Variants in CD96 observed in about 807,000 individuals in gnomAD.
The protein encoded by CD96 is CD96 molecule, also known as T-cell surface protein tactile.
A neutral mutation model predicts 71.3 loss-of-function variants in CD96; 70 were observed. That is an observed-to-expected ratio of 0.98 (90% confidence interval 0.81 to 1.20). The LOEUF is 1.20. Ranked by LOEUF, CD96 falls within the 50% of genes most tolerant of loss-of-function variation. The pLI is 0.00. For missense variants in CD96, 742 were observed against 677.5 expected, an observed-to-expected ratio of 1.10 and a Z score of -1.06; for synonymous variants, 248 against 233.0, an observed-to-expected ratio of 1.06 and a Z score of -0.59.
chr3:111,646,598 C>T (rs1939839213), intron 12 of CD96, among the ~76,000 whole-genome samples: 1 of 151,014 alleles, frequency 6.6e-6, no homozygotes, highest in Admixed American at 6.6e-5. Context: ...AAAGGGAATG[C>T]TTATACACTG....
chr3:111,649,285 C>G (rs1005534120), intron 13 of CD96, among the ~76,000 whole-genome samples: 6 of 152,166 alleles, frequency 3.9e-5, no homozygotes, highest in Non-Finnish European at 7.3e-5. Context: ...GTCTGGTTCT[C>G]TTGAGCAAGT....
At chr3:111,622,723 A>G (rs1349655037) in intron 8 of CD96, among the ~76,000 whole-genome samples, 4 of 152,242 alleles carry the variant, frequency 2.6e-5, no homozygotes, top group African/African-American at 9.6e-5. Flanking sequence ...ACACAATTAT[A>G]CAGCATTCTT....
At chr3:111,592,683 C>T (rs1179621252) in intron 5 of CD96, among the ~76,000 whole-genome samples, 2 of 152,124 alleles carry the variant, frequency 1.3e-5, no homozygotes, top group African/African-American at 4.8e-5. Flanking sequence ...TCTTTTCATT[C>T]TGAATTTCTT....
intron 12 of CD96, among the ~76,000 whole-genome samples, chr3:111,644,768 G>C (rs886670855): frequency 6.6e-6 from 1 of 152,098 alleles, no homozygotes; most frequent in Admixed American, 6.6e-5. Flanking sequence ...ATGAAAAAAT[G>C]CTCAACATCA....
At chr3:111,603,631 T>C (rs1377843985) in intron 7 of CD96, among the ~76,000 whole-genome samples, 1 of 152,138 alleles carries the variant, frequency 6.6e-6, no homozygotes, top group African/African-American at 2.4e-5. Flanking sequence ...TGGATAATAT[T>C]TTGGTTGTCA....
chr3:111,577,750 C>T (rs1936283620), intron 3 of CD96, among the ~76,000 whole-genome samples: 1 of 152,214 alleles, frequency 6.6e-6, no homozygotes, highest in African/African-American at 2.4e-5. Context: ...AGTCCATCCT[C>T]TGTTTCTGCC....
intron 10 of CD96, among the ~76,000 whole-genome samples, chr3:111,632,650 T>TA (rs936361999): frequency 1.3e-5 from 2 of 152,218 alleles, no homozygotes; most frequent in Non-Finnish European, 2.9e-5. Flanking sequence ...ATCATTCTAT[T>TA]ATTCAAGACA....
intron 6 of CD96, among the ~76,000 whole-genome samples, chr3:111,598,994 A>C (rs893156968): frequency 6.6e-6 from 1 of 150,704 alleles, no homozygotes; most frequent in African/African-American, 2.5e-5. Context: ...TTTGAGACGG[A>C]GTCTGGCTCT....
chr3:111,612,586 A>C (rs1002274583), intron 8 of CD96, among the ~76,000 whole-genome samples: 1 of 152,240 alleles, frequency 6.6e-6, no homozygotes, highest in Non-Finnish European at 1.5e-5. Flanking sequence ...ACAGATGAAG[A>C]TACTGAGGCA....
chr3:111,614,186 A>G (rs1209043943), intron 8 of CD96, among the ~76,000 whole-genome samples: 4 of 152,288 alleles, frequency 2.6e-5, no homozygotes, highest in African/African-American at 9.6e-5. Flanking sequence ...CCTTCCCCCA[A>G]GTGTGGCTCT....
rs772402974 is a variant in CD96 at position 111,567,576 on chromosome 3, ACT to A, written c.475_476del (p.Leu159GlyfsTer8). 3 of 1,606,406 alleles carry A rather than the reference ACT, an allele frequency of 1.9e-6. No homozygotes were observed. The highest frequency in any genetic ancestry group is 2.6e-6 in the Non-Finnish European group (3 of 1,173,072). On this transcript the variant is annotated frameshift_variant, in exon 3 of 14. Coordinates refer to ENST00000352690, the MANE Select transcript of CD96 (RefSeq NM_005816.5). LOFTEE classifies it high-confidence loss of function. ...NHTIEIEINQ[T>X]LEIPCFQNSS... ...TACGATAGAAATAGAGATAAATCAGACTCTGGAAATACCATGCTTTCAAAATA... is the reference window on the plus strand; with the variant it reads ...TACGATAGAAATAGAGATAAATCAGACTGGAAATACCATGCTTTCAAAATA...
chr3:111,647,469 A>G, intron 12 of CD96, 74 bp from the exon 13 acceptor site: 1 of 1,369,822 alleles, frequency 7.3e-7, no homozygotes, highest in Non-Finnish European at 1.0e-6. Context: ...TTCACGTAGG[A>G]AAAATGGTTT....
chr3:111,632,170 A>T (rs1413274290), intron 10 of CD96, among the ~76,000 whole-genome samples: 1 of 152,368 alleles, frequency 6.6e-6, no homozygotes, highest in South Asian at 2.1e-4. Context: ...AACTATCAAC[A>T]GAGTAAACAG....
At chr3:111,661,042 A>C (rs1018766912) in intron 14 of CD96, among the ~76,000 whole-genome samples, 13 of 152,214 alleles carry the variant, frequency 8.5e-5, no homozygotes, top group African/African-American at 2.7e-4. Context: ...AGAGTTCCAC[A>C]GGCTGTATGG....
chr3:111,579,672 G>A (rs1422921872), intron 4 of CD96, among the ~76,000 whole-genome samples: 1 of 152,116 alleles, frequency 6.6e-6, no homozygotes, highest in East Asian at 1.9e-4. Flanking sequence ...GTTTGCTAAT[G>A]TGCTAACTCA....
chr3:111,648,956 C>A (rs984793246), intron 13 of CD96, among the ~76,000 whole-genome samples: 2 of 152,138 alleles, frequency 1.3e-5, no homozygotes, highest in South Asian at 2.1e-4. Context: ...TAAAATAGTT[C>A]TTTGTACAAA....
intron 2 of CD96, among the ~76,000 whole-genome samples, chr3:111,550,977 A>G (rs1236583897): frequency 6.6e-6 from 1 of 152,212 alleles, no homozygotes; most frequent in African/African-American, 2.4e-5. Flanking sequence ...AAGGAAAACA[A>G]AAAGGCAAAG....
At chr3:111,551,753 T>TC (rs1263035873) in intron 2 of CD96, among the ~76,000 whole-genome samples, 1 of 152,070 alleles carries the variant, frequency 6.6e-6, no homozygotes, top group Admixed American at 6.6e-5. Flanking sequence ...TGTGTATTGT[T>TC]CCCCCTCATG....
rs370993531 is a variant in CD96, at chr3:111,647,673, A to C, written c.1601+7A>C. ...GTCAGTACCAAAAAGAAATGTGAGT[A>C]TAATACTAACATATGTAGGAACAGA... On this transcript the variant is annotated splice_region_variant and intron_variant, in intron 13 of 13. Transcript: ENST00000352690. 1.3e-6 allele frequency: 2 copies of C among 1,591,292 alleles called. No homozygotes were observed. Among genetic ancestry groups the C allele is most frequent in the Non-Finnish European group, 1.7e-6 (2 of 1,159,628 alleles).
Sources: allele counts gnomAD v4.1 joint callset (sites outside exome capture counted in the v4.1 genomes callset), GRCh38; gene constraint gnomAD v4.1.1; transcripts MANE v1.5; gene names NCBI Gene and HGNC (gene_info 2026-07-23, HGNC 2026-07-21).